ELSPBP1: variants seen among roughly 807,000 people sequenced by gnomAD.
ELSPBP1 encodes the protein epididymal sperm binding protein 1.
ELSPBP1 carries 38 observed loss-of-function variants against 33.3 expected under a neutral mutation model. The observed-to-expected ratio is 1.14, with a 90% CI of 0.88 to 1.50. The LOEUF is 1.50. ELSPBP1 is among the 40% of genes most tolerant of loss of function. The pLI, the probability that ELSPBP1 is intolerant of heterozygous loss-of-function variation, is 0.00. For synonymous variants in ELSPBP1, 85 were observed against 94.1 expected (o/e 0.90, Z 0.56); for missense variants, 267 against 263.5 (o/e 1.01, Z -0.09).
intron 2 of ELSPBP1, 81 bp downstream of exon 2, chr19:48,008,818 G>C: frequency 7.8e-7 from 1 of 1,280,542 alleles, no homozygotes; most frequent in Non-Finnish European, 1.1e-6. Context: ...CTGGAACTAA[G>C]TAGGCAGGAG....
chr19:48,023,481 G>GGGAA (rs1372777721), intron 6 of ELSPBP1, among the ~76,000 whole-genome samples: 18 of 43,776 alleles, frequency 4.1e-4, no homozygotes, highest in East Asian at 1.4e-3. Context: ...GAAGGGAGGA[G>GGGAA]GGAAGGGAGG....
At chr19:48,006,103 G>A (rs565126849) in intron 1 of ELSPBP1, among the ~76,000 whole-genome samples, 10 of 152,120 alleles carry the variant, frequency 6.6e-5, no homozygotes, top group Admixed American at 6.6e-4. Context: ...TGGGACTACA[G>A]GCATGCACCA....
At chr19:48,007,022 T>C (rs1967027527) in intron 1 of ELSPBP1, among the ~76,000 whole-genome samples, 1 of 152,132 alleles carries the variant, frequency 6.6e-6, no homozygotes, top group Non-Finnish European at 1.5e-5. Context: ...TCAGTAACTT[T>C]GGGATTTTGA....
intron 6 of ELSPBP1, among the ~76,000 whole-genome samples, chr19:48,023,369 G>A (rs111064774): frequency 0.27 from 25,306 of 93,322 alleles, 2,944 homozygotes; most frequent in South Asian, 0.32. Context: ...AGGGAGGAAG[G>A]AAGAGAGGAA....
chr19:48,016,027 T>C lies in ELSPBP1; in HGVS notation c.343T>C (p.Cys115Arg). 6.2e-7 allele frequency: 1 copy of C among 1,613,474 alleles called. No individual in the cohort carries two copies. Residue 115 changes from cysteine to arginine, a missense_variant, in exon 4 of 7, where the codon TGT becomes CGT. Physicochemically the swap from Cys to Arg is radical, Grantham distance 180. Transcript: ENST00000339841. ...VFDEKQQWKF[C>R]ETNEYGGNSL... The stretch of plus-strand genomic sequence containing the variant: ...CGATGAGAAACAGCAGTGGAAATTC[T>C]GTGAAACGAATGGTGAGCCCCTGTA...
At chr19:48,022,617 A>C (rs761163315) in intron 6 of ELSPBP1, among the ~76,000 whole-genome samples, 1 of 152,206 alleles carries the variant, frequency 6.6e-6, no homozygotes, top group African/African-American at 2.4e-5. Context: ...CAGAAGCAGG[A>C]GAGCAGAGGG....
chr19:48,009,136 CAAAAAAA>C (rs59636614), intron 2 of ELSPBP1, among the ~76,000 whole-genome samples: 22 of 136,396 alleles, frequency 1.6e-4, no homozygotes, highest in Non-Finnish European at 2.7e-4. Context: ...AACTCCCTCT[CAAAAAAA>C]AAAAAAAAAA....
At chr19:48,015,843 T>A (rs761600778) in intron 3 of ELSPBP1, 50 bp from the exon 4 acceptor site, 1 of 1,546,870 alleles carries the variant, frequency 6.5e-7, no homozygotes, top group South Asian at 1.2e-5. Context: ...GACTCTGTCC[T>A]GTGAACGACT....
At chr19:48,006,898 G>A (rs1967025941) in intron 1 of ELSPBP1, among the ~76,000 whole-genome samples, 1 of 152,142 alleles carries the variant, frequency 6.6e-6, no homozygotes, top group African/African-American at 2.4e-5. Context: ...AAGGGAGAAA[G>A]ACACTTTGAT....
rs201056572 is a variant in ELSPBP1, at chr19:48,008,651, A to C, written c.-17A>C. On this transcript the variant is annotated splice_region_variant and 5_prime_UTR_variant, in exon 2 of 7. Transcript: ENST00000339841. The stretch of plus-strand genomic sequence containing the variant: ...AAAATTTTTGTCTTCTTTTCCACAG[A>C]GAAGAGGGCAGCCAAGATGACCCGA... 95 of 1,613,230 alleles carry C rather than the reference A, an allele frequency of 5.9e-5. No homozygotes were observed. In the African/African-American group the frequency reaches 1.1e-3, roughly 19 times the overall value.
chr19:48,000,723 A>G (rs1698362718), intron 1 of ELSPBP1, among the ~76,000 whole-genome samples: 1 of 152,168 alleles, frequency 6.6e-6, no homozygotes, highest in Non-Finnish European at 1.5e-5. Context: ...GCGTGTGTCC[A>G]TGGAGCCACA....
intron 1 of ELSPBP1, among the ~76,000 whole-genome samples, chr19:48,000,541 C>G (rs927577719): frequency 2.0e-5 from 3 of 152,100 alleles, no homozygotes; most frequent in Non-Finnish European, 4.4e-5. Flanking sequence ...AACAGTCCTA[C>G]GGGATAGATT....
intron 5 of ELSPBP1, among the ~76,000 whole-genome samples, chr19:48,021,507 T>A (rs1967200256): frequency 1.3e-5 from 2 of 152,006 alleles, no homozygotes; most frequent in Non-Finnish European, 2.9e-5. Context: ...TGGCGTGATC[T>A]CGGCTCACTG....
chr19:48,006,380 G>C (rs150888963), intron 1 of ELSPBP1, among the ~76,000 whole-genome samples: 1 of 151,974 alleles, frequency 6.6e-6, no homozygotes, highest in African/African-American at 2.4e-5. Flanking sequence ...TTAAGAGGCC[G>C]AGGCGGGTGG....
intron 1 of ELSPBP1, among the ~76,000 whole-genome samples, chr19:48,000,881 C>T (rs548387596): frequency 1.3e-5 from 2 of 152,294 alleles, no homozygotes; most frequent in South Asian, 4.1e-4. Flanking sequence ...GTTTTCAGCC[C>T]CCTGTGTGTG....
At chr19:48,018,136 A>G (rs1001547289) in intron 4 of ELSPBP1, among the ~76,000 whole-genome samples, 1 of 152,142 alleles carries the variant, frequency 6.6e-6, no homozygotes, top group African/African-American at 2.4e-5. Flanking sequence ...TTCTATGGAT[A>G]AGTGAGAACC....
intron 1 of ELSPBP1, among the ~76,000 whole-genome samples, chr19:48,008,190 C>T (rs1967041215): frequency 6.6e-6 from 1 of 152,044 alleles, no homozygotes; most frequent in Admixed American, 6.5e-5. Flanking sequence ...ACACATATCA[C>T]ACACACATAT....
intron 1 of ELSPBP1, among the ~76,000 whole-genome samples, chr19:48,002,136 G>A (rs1424675306): frequency 6.6e-6 from 1 of 152,120 alleles, no homozygotes; most frequent in East Asian, 1.9e-4. Flanking sequence ...CAGCAACAGT[G>A]ATCACCATCC....
intron 1 of ELSPBP1, among the ~76,000 whole-genome samples, chr19:48,005,025 C>T (rs141679845): frequency 1.3e-4 from 20 of 152,100 alleles, no homozygotes; most frequent in East Asian, 5.8e-4. Flanking sequence ...AGCAAGACCT[C>T]GTCTCTACAA....
Sources: allele counts gnomAD v4.1 joint callset (sites outside exome capture counted in the v4.1 genomes callset), GRCh38; gene constraint gnomAD v4.1.1; transcripts MANE v1.5; gene names NCBI Gene and HGNC (gene_info 2026-07-23, HGNC 2026-07-21).